Variants in SHISA5 observed in about 807,000 individuals in gnomAD.
SHISA5 encodes protein shisa-5.
A neutral mutation model predicts 27.5 loss-of-function variants in SHISA5; 21 were observed. The ratio of observed to expected loss-of-function variants is 0.76; its 90% CI spans 0.54 to 1.10. The LOEUF (loss-of-function observed/expected upper bound fraction) is 1.10. SHISA5 is among the 50% of genes least tolerant of loss of function. The pLI is 0.00. For missense variants in SHISA5, 314 were observed against 336.3 expected (o/e 0.93, Z 0.52); for synonymous variants, 137 against 142.2 (o/e 0.96, Z 0.26).
Position 48,468,150 on chromosome 3 carries a change from C to G in SHISA5, c.*957G>C. Reference sequence around the variant, plus strand: ...GCTGGTGTCGGGAAGCAGGGACTCACAGTTGCCAGGTTGTCCATCTCTGAG... The same window carrying G: ...GCTGGTGTCGGGAAGCAGGGACTCAGAGTTGCCAGGTTGTCCATCTCTGAG... On this transcript the variant is annotated 3_prime_UTR_variant, in exon 6 of 6. Coordinates refer to ENST00000296444, the MANE Select transcript of SHISA5 (RefSeq NM_016479.6). 8 of 1,000,484 alleles carry G rather than the reference C, an allele frequency of 8.0e-6. No individual in the cohort carries two copies. The highest frequency in any genetic ancestry group is 9.6e-6 in the Non-Finnish European group (8 of 837,674). The allele number at this position is 1,000,484 out of a possible 1,614,324, so 62.0% of individuals were successfully genotyped here.
Position 48,468,212 on chromosome 3 carries a change from T to C in SHISA5, c.*895A>G, listed in dbSNP as rs1409360322. The C allele has an allele frequency of 8.0e-6, 8 of 1,001,770 alleles. No individual in the cohort carries two copies. In the East Asian group the frequency reaches 4.1e-4, roughly 52 times the overall value. 62.1% of individuals were successfully genotyped at this position (1,001,770 alleles called of 1,614,324 possible). The stretch of plus-strand genomic sequence containing the variant: ...CCACAACCCAGGGGTTTCAGTCTCA[T>C]ATCAACTATCATGTTTGAAACAGAA... On this transcript the variant is annotated 3_prime_UTR_variant, in exon 6 of 6. Coordinates refer to ENST00000296444, the MANE Select transcript of SHISA5 (RefSeq NM_016479.6).
Position 48,501,220 on chromosome 3 carries a change from A to T in SHISA5, c.150T>A (p.Gly50=). The T allele has an allele frequency of 6.2e-7, 1 of 1,614,184 alleles. No individual in the cohort carries two copies. Among genetic ancestry groups the T allele is most frequent in the Non-Finnish European group, 8.5e-7 (1 of 1,180,024 alleles). ...AGCAGCAGTATTGGTCATCACAGGT[A>T]CCACAGCAGAAATCTGGACAGGACT... The part of the protein sequence containing the change: ...FPESCPDFCC[G]TCDDQYCCSD... Residue 50 remains glycine, a synonymous_variant, in exon 2 of 6, where the codon GGT becomes GGA. Transcript: ENST00000296444.
intron 2 of SHISA5, among the ~76,000 whole-genome samples, chr3:48,491,969 G>A (rs998457524): frequency 3.3e-5 from 5 of 151,798 alleles, no homozygotes; most frequent in South Asian, 2.1e-4. Context: ...TTTGCCTCAG[G>A]ATGAAATGTA....
At chr3:48,501,390 CA>C in intron 1 of SHISA5, 97 bp from the exon 2 acceptor site, 1 of 1,351,452 alleles carries the variant, frequency 7.4e-7, no homozygotes, top group Non-Finnish European at 1.0e-6. Context: ...CACACACACA[CA>C]CACATGCTGC....
At chr3:48,502,761 G>A (rs1238648744) in intron 1 of SHISA5, among the ~76,000 whole-genome samples, 1 of 152,194 alleles carries the variant, frequency 6.6e-6, no homozygotes, top group African/African-American at 2.4e-5. Context: ...AGTAGGCAGG[G>A]GACAGGTCTG....
intron 2 of SHISA5, among the ~76,000 whole-genome samples, chr3:48,488,747 C>A (rs1292801461): frequency 1.3e-5 from 2 of 149,748 alleles, no homozygotes; most frequent in Non-Finnish European, 3.0e-5. Flanking sequence ...GCAGCAGAAT[C>A]ACTTGAACCC....
chr3:48,502,837 G>A (rs1575337035), intron 1 of SHISA5, among the ~76,000 whole-genome samples: 1 of 152,348 alleles, frequency 6.6e-6, no homozygotes, highest in Non-Finnish European at 1.5e-5. Flanking sequence ...GGCCTCTGGA[G>A]ACCCAGCCAG....
intron 1 of SHISA5, chr3:48,503,707 G>A: frequency 8.5e-7 from 1 of 1,175,544 alleles, no homozygotes; most frequent in Non-Finnish European, 1.1e-6. Context: ...CTAAAGCCAG[G>A]CAGGGAACCC....
chr3:48,484,580 GAC>G (rs894754899), intron 2 of SHISA5, among the ~76,000 whole-genome samples: 1 of 151,132 alleles, frequency 6.6e-6, no homozygotes, highest in African/African-American at 2.4e-5. Context: ...GACAGAGCGA[GAC>G]ACTGTCTCAA....
chr3:48,502,540 C>G (rs1274912578), intron 1 of SHISA5: 4 of 362,372 alleles, frequency 1.1e-5, no homozygotes, highest in Admixed American at 1.0e-4. Flanking sequence ...CTGAGGGGAT[C>G]TGGCTGACAA....
At position 48,479,225 on chromosome 3, in the gene SHISA5, A is replaced by G; in HGVS notation, c.266T>C (p.Leu89Pro). The change falls in exon 3 of 6, where the codon CTG becomes CCG. Residue 89 changes from leucine (L) to proline (P), a missense_variant. Leu to Pro is a moderately conservative substitution (Grantham distance 98). Coordinates refer to ENST00000296444, the MANE Select transcript of SHISA5 (RefSeq NM_016479.6). ...AGGGCGAAACCTCAGCGCCGAGCCCAGCTGCTCCACCGGCTCTACACTGGC... is the reference window on the plus strand; with the variant it reads ...AGGGCGAAACCTCAGCGCCGAGCCCGGCTGCTCCACCGGCTCTACACTGGC... ...VPASVEPVEQ[L>P]GSALRFRPGY... 1.4e-6 allele frequency: 2 copies of G among 1,478,566 alleles called. No individual in the cohort carries two copies. The highest frequency in any genetic ancestry group is 2.6e-5 in the East Asian group (1 of 38,438). The allele number at this position is 1,478,566 out of a possible 1,614,324, so 91.6% of individuals were successfully genotyped here. A position where few individuals can be genotyped will look rare whatever the true frequency, so the allele number is the denominator to read the frequency against.
At chr3:48,480,297 A>G (rs2107322073) in intron 2 of SHISA5, among the ~76,000 whole-genome samples, 1 of 151,590 alleles carries the variant, frequency 6.6e-6, no homozygotes, top group Non-Finnish European at 1.5e-5. Flanking sequence ...AAAAAAAAAA[A>G]GCAAAATAAA....
intron 2 of SHISA5, among the ~76,000 whole-genome samples, chr3:48,491,183 A>T (rs2041412806): frequency 6.7e-6 from 1 of 149,148 alleles, no homozygotes; most frequent in African/African-American, 2.5e-5. Context: ...CAGTGGCGTG[A>T]TCTCTGCTCA....
chr3:48,481,883 C>T (rs1284308904), intron 2 of SHISA5, among the ~76,000 whole-genome samples: 1 of 151,636 alleles, frequency 6.6e-6, no homozygotes, highest in Non-Finnish European at 1.5e-5. Context: ...CTGGCTAACA[C>T]AGTGAAACCC....
rs114535360 is a variant in SHISA5, at chr3:48,502,186, G to A, written c.77-893C>T. 9.2e-3 allele frequency: 3,043 copies of A among 331,156 alleles called. 70 individuals are homozygous for A. The highest frequency in any genetic ancestry group is 0.054 in the African/African-American group (2,489 of 46,204). 20.5% of individuals were successfully genotyped at this position (331,156 alleles called of 1,614,324 possible). ...CCAGACTGTCTAGTTCTTAATCCTC[G>A]TTCACTCTCTCCCTCACTCAACCAC... is the stretch of plus-strand genomic sequence containing the variant. On this transcript the variant is annotated intron_variant, in intron 1 of 5. Coordinates refer to ENST00000296444, the MANE Select transcript of SHISA5 (RefSeq NM_016479.6).
Position 48,469,919 on chromosome 3 carries a change from C to T in SHISA5, c.315-76G>A. On this transcript the variant is annotated intron_variant, in intron 3 of 5. Transcript: ENST00000296444. The surrounding 1 kb of genome is among the most constrained non-coding windows in gnomAD (Gnocchi z 4.6). ...GCATCCACACCTTCCCAAGGCATGC[C>T]CCTCTTGCCAGAAGGGGTCTGGGCA... 1 of 1,544,676 alleles carries T rather than the reference C, an allele frequency of 6.5e-7. No homozygotes were observed. Among genetic ancestry groups the T allele is most frequent in the African/African-American group, 1.4e-5 (1 of 73,354 alleles).
intron 2 of SHISA5, among the ~76,000 whole-genome samples, chr3:48,481,326 G>A (rs982783375): frequency 1.3e-5 from 2 of 151,750 alleles, no homozygotes; most frequent in Non-Finnish European, 2.9e-5. Context: ...TGTAATCCCA[G>A]CTACTCGGGA....
chr3:48,487,388 A>G (rs1014854959), intron 2 of SHISA5, among the ~76,000 whole-genome samples: 3 of 152,092 alleles, frequency 2.0e-5, no homozygotes, highest in African/African-American at 7.2e-5. Context: ...TATACGTTTT[A>G]ATGTTTATAG....
In SHISA5 at chr3:48,483,342, C is replaced by T. The variant is rs890601548; in HGVS notation, c.234-4085G>A. On this transcript the variant is annotated intron_variant, in intron 2 of 5. Transcript: ENST00000296444. ...CTGTTTAACAAAGCACATCTTGCAC[C>T]GCCCTTAATCCATTTAACCCTGAGT... is the stretch of plus-strand genomic sequence containing the variant. Among the ~76,000 whole-genome samples the T allele has an allele frequency of 5.3e-5, 8 of 152,062 alleles. No individual in the cohort carries two copies. In the South Asian group the frequency reaches 8.3e-4, roughly 16 times the overall value.
Sources: allele counts gnomAD v4.1 joint callset (sites outside exome capture counted in the v4.1 genomes callset), GRCh38; gene constraint gnomAD v4.1.1; non-coding constraint Gnocchi (gnomAD v3.1); transcripts MANE v1.5; gene names NCBI Gene and HGNC (gene_info 2026-07-23, HGNC 2026-07-21).